Variants in KCNN2 observed in about 807,000 individuals in gnomAD.
The protein encoded by KCNN2 is potassium calcium-activated channel subfamily N member 2.
Under a neutral mutation model 55.5 loss-of-function variants are expected in KCNN2, and 24 were observed. That is an observed-to-expected ratio of 0.43 (90% confidence interval 0.31 to 0.61). KCNN2 has a LOEUF of 0.61. Ranked by LOEUF, KCNN2 falls within the 20% of genes least tolerant of loss-of-function variation. KCNN2 has a pLI of 0.08. For synonymous variants in KCNN2, 431 were observed against 336.1 expected (o/e 1.28, Z -3.09); for missense variants, 754 against 853.6 (o/e 0.88, Z 1.45).
intron 1 of KCNN2, among the ~76,000 whole-genome samples, chr5:114,107,818 C>T (rs1751520065): frequency 6.6e-6 from 1 of 152,012 alleles, no homozygotes; most frequent in African/African-American, 2.4e-5. Context: ...GACAACTTTA[C>T]AACATTGAGT....
At chr5:114,482,631 G>A (rs1288118545) in intron 5 of KCNN2, among the ~76,000 whole-genome samples, 1 of 152,126 alleles carries the variant, frequency 6.6e-6, no homozygotes, top group East Asian at 1.9e-4. Context: ...CAACCTAAAT[G>A]CCCATCAGTA....
chr5:114,100,488 T>C (rs1412853236), intron 1 of KCNN2, among the ~76,000 whole-genome samples: 1 of 152,142 alleles, frequency 6.6e-6, no homozygotes, highest in Non-Finnish European at 1.5e-5. Flanking sequence ...GTGTTCTCAC[T>C]GCAGAGAATG....
At chr5:114,486,956 C>T (rs1322507933) in intron 5 of KCNN2, 94 bp from the exon 6 acceptor site, 9 of 1,440,384 alleles carry the variant, frequency 6.2e-6, no homozygotes, top group Admixed American at 3.7e-5. Context: ...CTACAGCTCA[C>T]CATGATCCTT....
intron 1 of KCNN2, among the ~76,000 whole-genome samples, chr5:114,137,453 T>C (rs774742518): frequency 5.3e-5 from 8 of 152,204 alleles, no homozygotes; most frequent in Non-Finnish European, 1.0e-4. Context: ...TCACTTGATA[T>C]ATAATCTTAA....
chr5:114,065,531 C>A (rs1480879264), intron 1 of KCNN2, among the ~76,000 whole-genome samples: 2 of 152,150 alleles, frequency 1.3e-5, no homozygotes, highest in South Asian at 2.1e-4. Context: ...CTTTTATAAG[C>A]TACATTCTAA....
At chr5:114,202,941 G>C (rs1006486191) in intron 1 of KCNN2, among the ~76,000 whole-genome samples, 19 of 152,092 alleles carry the variant, frequency 1.2e-4, no homozygotes, top group African/African-American at 4.3e-4. Flanking sequence ...AAATAAGAAA[G>C]AGACATTATT....
intron 1 of KCNN2, among the ~76,000 whole-genome samples, chr5:114,137,742 G>A (rs1045136457): frequency 6.6e-6 from 1 of 151,836 alleles, no homozygotes; most frequent in Admixed American, 6.6e-5. Flanking sequence ...TTAAGGAGGT[G>A]GCAAATGATT....
rs148652437 is a variant in KCNN2, at chr5:114,141,438, A to G, written c.-270-80042A>G. Among the ~76,000 whole-genome samples, 21 of 152,154 alleles carry G rather than the reference A, an allele frequency of 1.4e-4. No homozygotes were observed. The East Asian group carries it at 2.5e-3, about 18-fold the overall frequency. ...AGAATGATGGTTTCCAGCTTCATGCATGTCCCTACAAAGGACATGAACTCA... is the reference window on the plus strand; with the variant it reads ...AGAATGATGGTTTCCAGCTTCATGCGTGTCCCTACAAAGGACATGAACTCA... On this transcript the variant is annotated intron_variant, in intron 1 of 10. Coordinates refer to the KCNN2 transcript ENST00000512097.
rs184673466 is a variant in KCNN2, at chr5:114,347,030, T to A, written c.-184-13915T>A. ...TAGAATAAAACACCCATTACCTTTA[T>A]ATGGTTACAATAATATTTCATTGAA... is the stretch of plus-strand genomic sequence containing the variant. On this transcript the variant is annotated intron_variant, in intron 2 of 10. Transcript: ENST00000512097. Among the ~76,000 whole-genome samples the A allele has an allele frequency of 3.2e-3, 494 of 152,324 alleles. 2 individuals carry two copies. The highest frequency in any genetic ancestry group is 0.011 in the African/African-American group (456 of 41,574).
intron 1 of KCNN2, among the ~76,000 whole-genome samples, chr5:114,200,809 T>C (rs535511406): frequency 1.3e-5 from 2 of 152,282 alleles, no homozygotes; most frequent in South Asian, 4.1e-4. Flanking sequence ...TGTGATTTCC[T>C]TGGTGGTTTA....
intron 3 of KCNN2, among the ~76,000 whole-genome samples, chr5:114,452,084 GA>G (rs1240923298): frequency 2.0e-5 from 3 of 152,034 alleles, no homozygotes; most frequent in Non-Finnish European, 2.9e-5. Flanking sequence ...CAGTTATAGG[GA>G]AAAAATAGGA....
chr5:114,160,409 G>A lies in KCNN2; in HGVS notation c.-270-61071G>A, dbSNP rs147316310. Among the ~76,000 whole-genome samples the A allele has an allele frequency of 6.6e-3, 1,003 of 152,270 alleles. 11 individuals are homozygous for A. The highest frequency in any genetic ancestry group is 0.022 in the African/African-American group (913 of 41,540). On this transcript the variant is annotated intron_variant, in intron 1 of 10. Coordinates refer to the KCNN2 transcript ENST00000512097. Reference sequence around the variant, plus strand: ...TCTATTCTTTTACATTTGCTGAGGAGTGCTTTACTTCCAATTATGTGGTCA... The same window carrying A: ...TCTATTCTTTTACATTTGCTGAGGAATGCTTTACTTCCAATTATGTGGTCA...
chr5:114,247,565 A>T (rs1423141535), intron 2 of KCNN2, among the ~76,000 whole-genome samples: 1 of 152,232 alleles, frequency 6.6e-6, no homozygotes, highest in Non-Finnish European at 1.5e-5. Flanking sequence ...TTAAGTATCC[A>T]CTTTCAACTT....
intron 3 of KCNN2, among the ~76,000 whole-genome samples, chr5:114,440,869 A>G (rs1329422507): frequency 6.6e-6 from 1 of 152,058 alleles, no homozygotes; most frequent in African/African-American, 2.4e-5. Context: ...ACACAATGTG[A>G]TAGCTAAAAC....
At chr5:114,475,584 C>CTGTT (rs1340104132) in intron 5 of KCNN2, among the ~76,000 whole-genome samples, 1 of 152,112 alleles carries the variant, frequency 6.6e-6, no homozygotes, top group Non-Finnish European at 1.5e-5. Context: ...GCTATGTTAA[C>CTGTT]TGTTAAGGAT....
intron 2 of KCNN2, among the ~76,000 whole-genome samples, chr5:114,318,393 C>G (rs1280518666): frequency 6.6e-6 from 1 of 151,972 alleles, no homozygotes; most frequent in Non-Finnish European, 1.5e-5. Flanking sequence ...CTAGTAAAAT[C>G]TGAAGGATGG....
intron 1 of KCNN2, among the ~76,000 whole-genome samples, chr5:114,181,357 T>C (rs1417512779): frequency 1.3e-5 from 2 of 152,228 alleles, no homozygotes; most frequent in African/African-American, 4.8e-5. Flanking sequence ...TGGATAAATA[T>C]ATTGAATAGT....
intron 2 of KCNN2, among the ~76,000 whole-genome samples, chr5:114,383,945 C>T (rs1009493808): frequency 1.3e-5 from 2 of 152,170 alleles, no homozygotes; most frequent in African/African-American, 2.4e-5. Flanking sequence ...TATCATGTGC[C>T]TACTGAGAAC....
intron 1 of KCNN2, among the ~76,000 whole-genome samples, chr5:114,106,601 TG>T (rs1308743201): frequency 6.6e-6 from 1 of 151,708 alleles, no homozygotes; most frequent in Non-Finnish European, 1.5e-5. Context: ...TGCTCTAATT[TG>T]GATATTCCTG....
Sources: gnomAD v4.1 joint callset for allele counts (sites outside exome capture counted in the v4.1 genomes callset) on GRCh38, gnomAD v4.1.1 for gene constraint, MANE v1.5 for transcripts, NCBI Gene and HGNC (gene_info 2026-07-23, HGNC 2026-07-21) for gene names.